RFTN1: variants seen among roughly 807,000 people sequenced by gnomAD.
RFTN1 encodes the protein raftlin, lipid raft linker 1, also known as raftlin.
In RFTN1, 26 loss-of-function variants were observed where a neutral mutation model predicts 46.5. The ratio of observed to expected loss-of-function variants is 0.56; its 90% CI spans 0.41 to 0.78. The LOEUF (loss-of-function observed/expected upper bound fraction) is 0.78. Ranked by LOEUF, RFTN1 falls within the 30% of genes least tolerant of loss-of-function variation. RFTN1 has a pLI of 0.00. For synonymous variants in RFTN1, 261 were observed against 284.2 expected, an observed-to-expected ratio of 0.92 and a Z score of 0.82; for missense variants, 693 against 718.7, an observed-to-expected ratio of 0.96 and a Z score of 0.41.
Position 16,323,442 on chromosome 3 carries a change from G to A in RFTN1, c.1266C>T (p.Ser422=). The change falls in exon 9 of 10, where the codon TCC becomes TCT. Residue 422 remains serine (S), a synonymous_variant. Coordinates refer to ENST00000334133, the MANE Select transcript of RFTN1 (RefSeq NM_015150.2). ...TCTGAAGAAAGACAATCTGCTTGGT[G>A]GATACACTCCCCTCGCTGTAACACA... ...VVKTTSEGSV[S]TKQIVFLQRP... The A allele has an allele frequency of 6.2e-7, 1 of 1,612,412 alleles. No homozygotes were observed.
chr3:16,328,895 G>GA (rs1431862713), intron 7 of RFTN1, among the ~76,000 whole-genome samples: 2 of 152,086 alleles, frequency 1.3e-5, no homozygotes, highest in African/African-American at 2.4e-5. Flanking sequence ...TTCTCCATGA[G>GA]AAAAAAATAT....
chr3:16,482,180 T>C (rs1227761772), intron 2 of RFTN1, among the ~76,000 whole-genome samples: 1 of 152,120 alleles, frequency 6.6e-6, no homozygotes, highest in East Asian at 1.9e-4. Context: ...ACAGGGCACA[T>C]GGAGTCGGAA....
rs1175459498 is a variant in RFTN1, at chr3:16,509,787, C to T, written c.-9+3655G>A. Among the ~76,000 whole-genome samples the T allele has an allele frequency of 1.3e-5, 2 of 152,192 alleles. No homozygotes were observed. The highest frequency in any genetic ancestry group is 2.9e-5 in the Non-Finnish European group (2 of 68,036). On this transcript the variant is annotated intron_variant, in intron 1 of 9. Coordinates refer to ENST00000334133, the MANE Select transcript of RFTN1 (RefSeq NM_015150.2). This position sits in a 1 kb window ranked among gnomAD's most constrained non-coding sequence, Gnocchi z 4.9. Reference sequence around the variant, plus strand: ...ATGGGTATCACGAGTCACGAAATCACTCAGCCAATGTTTACTGTGTCCCTA... The same window carrying T: ...ATGGGTATCACGAGTCACGAAATCATTCAGCCAATGTTTACTGTGTCCCTA...
chr3:16,324,713 T>TCATC (rs1553718195), intron 8 of RFTN1, among the ~76,000 whole-genome samples: 18,955 of 144,392 alleles, frequency 0.13, 1,495 homozygotes, highest in African/African-American at 0.17. Flanking sequence ...CACATTTTCT[T>TCATC]CATCCATCTG....
intron 1 of RFTN1, 23 bp from the exon 2 acceptor site, chr3:16,493,900 G>A (rs369140320): frequency 6.5e-5 from 104 of 1,612,192 alleles, no homozygotes; most frequent in East Asian, 8.9e-5. Flanking sequence ...GGAAAAAGGC[G>A]GGGAGGTGAT....
At position 16,381,857 on chromosome 3, in the gene RFTN1, G is replaced by T. The variant is rs2074005262; in HGVS notation, c.442-3755C>A. ...ATGGCCTTGGATCCATGCCCGCAAA[G>T]GCTCTCAGTTCACCCTGCAGGCCAG... On this transcript the variant is annotated intron_variant, in intron 4 of 9. Coordinates refer to ENST00000334133, the MANE Select transcript of RFTN1 (RefSeq NM_015150.2). The surrounding 1 kb of genome is among the most constrained non-coding windows in gnomAD (Gnocchi z 4.2). Among the ~76,000 whole-genome samples, 1 of 152,136 alleles carries T rather than the reference G, an allele frequency of 6.6e-6. No individual in the cohort carries two copies. Among genetic ancestry groups the T allele is most frequent in the Non-Finnish European group, 1.5e-5 (1 of 68,036 alleles).
rs56915824 is a variant in RFTN1 at position 16,450,923 on chromosome 3, T to C, written c.146-16886A>G. Among the ~76,000 whole-genome samples, 1,603 of 152,306 alleles carry C rather than the reference T, an allele frequency of 0.011. 26 individuals carry two copies. Among genetic ancestry groups the C allele is most frequent in the African/African-American group, 0.036 (1,509 of 41,570 alleles). ...GACTTTCACCACTTGGTTTTGGTCC[T>C]GTTGACTACAGAGGGCCTCTGTGAT... On this transcript the variant is annotated intron_variant, in intron 2 of 9. Transcript: ENST00000334133. This position sits in a 1 kb window ranked among gnomAD's most constrained non-coding sequence, Gnocchi z 4.6.
rs1382045169 is a variant in RFTN1, at chr3:16,356,539, T to C, written c.1146+1393A>G. Among the ~76,000 whole-genome samples the C allele has an allele frequency of 2.6e-5, 4 of 152,228 alleles. No individual in the cohort carries two copies. The highest frequency in any genetic ancestry group is 5.9e-5 in the Non-Finnish European group (4 of 68,038). On this transcript the variant is annotated intron_variant, in intron 7 of 9. Transcript: ENST00000334133. This position sits in a 1 kb window ranked among gnomAD's most constrained non-coding sequence, Gnocchi z 4.9. ...TCACTTCACGTGTGCTGGGAACTGC[T>C]GCAGCTTCAAAGCTGAGTAATAGTG...
chr3:16,487,629 C>G (rs1332005826), intron 2 of RFTN1, among the ~76,000 whole-genome samples: 2 of 152,158 alleles, frequency 1.3e-5, no homozygotes, highest in African/African-American at 4.8e-5. Context: ...CTGGACCATT[C>G]AAGGAAGGCC....
chr3:16,450,075 CTCCATGCCTGTCTTAAA>C lies in RFTN1; in HGVS notation c.146-16055_146-16039del, dbSNP rs1426294010. Among the ~76,000 whole-genome samples the C allele has an allele frequency of 6.6e-6, 1 of 152,210 alleles. No homozygotes were observed. Among genetic ancestry groups the C allele is most frequent in the Non-Finnish European group, 1.5e-5 (1 of 68,044 alleles). On this transcript the variant is annotated intron_variant, in intron 2 of 9. Coordinates refer to ENST00000334133, the MANE Select transcript of RFTN1 (RefSeq NM_015150.2). The surrounding 1 kb of genome is among the most constrained non-coding windows in gnomAD (Gnocchi z 4.6). ...ACATGTCACCCCCATCCTGACCACT[CTCCATGCCTGTCTTAAA>C]TCCATCCCAATTTGTAAAATTAAAT...
At chr3:16,477,989 G>A (rs1262963225) in intron 2 of RFTN1, among the ~76,000 whole-genome samples, 7 of 152,164 alleles carry the variant, frequency 4.6e-5, no homozygotes, top group Non-Finnish European at 4.4e-5. Context: ...GACAAAAATG[G>A]AAAAATCAAC....
chr3:16,483,250 T>C lies in RFTN1; in HGVS notation c.145+10475A>G, dbSNP rs772738621. On this transcript the variant is annotated intron_variant, in intron 2 of 9. Transcript: ENST00000334133. The surrounding 1 kb of genome is among the most constrained non-coding windows in gnomAD (Gnocchi z 4.8). ...AAAGGAACCCCATGGTGAAACCCAC[T>C]TTAAACCAAGAATCCTCCTGTAATG... Among the ~76,000 whole-genome samples the C allele has an allele frequency of 2.0e-5, 3 of 152,216 alleles. No homozygotes were observed. The highest frequency in any genetic ancestry group is 4.4e-5 in the Non-Finnish European group (3 of 68,042).
chr3:16,401,937 C>A (rs1381530235), intron 4 of RFTN1, among the ~76,000 whole-genome samples: 1 of 152,222 alleles, frequency 6.6e-6, no homozygotes, highest in African/African-American at 2.4e-5. Flanking sequence ...GGATGACCAT[C>A]CTTACCACCA....
rs1419901922 is a variant in RFTN1, at chr3:16,428,679, C to A, written c.332+5172G>T. Among the ~76,000 whole-genome samples, 2 of 152,170 alleles carry A rather than the reference C, an allele frequency of 1.3e-5. No homozygotes were observed. The highest frequency in any genetic ancestry group is 3.8e-4 in the East Asian group (2 of 5,198). On this transcript the variant is annotated intron_variant, in intron 3 of 9. Transcript: ENST00000334133. The surrounding 1 kb of genome is among the most constrained non-coding windows in gnomAD (Gnocchi z 4.7). ...ACTTCAACTCATTCATGATGAAAAA[C>A]ACACCAATGACGCCCCTAGCTCCAT...
At chr3:16,444,251 T>C (rs1286124379) in intron 2 of RFTN1, among the ~76,000 whole-genome samples, 1 of 152,226 alleles carries the variant, frequency 6.6e-6, no homozygotes, top group Non-Finnish European at 1.5e-5. Flanking sequence ...TGAGAGTACA[T>C]TATGCTGATG....
intron 6 of RFTN1, among the ~76,000 whole-genome samples, chr3:16,368,860 C>T (rs1466260096): frequency 6.6e-6 from 1 of 152,152 alleles, no homozygotes; most frequent in Non-Finnish European, 1.5e-5. Flanking sequence ...CAGCCGGTGG[C>T]CGCCATACTG....
intron 1 of RFTN1, among the ~76,000 whole-genome samples, chr3:16,494,994 T>C (rs916482757): frequency 6.6e-6 from 1 of 151,994 alleles, no homozygotes; most frequent in African/African-American, 2.4e-5. Flanking sequence ...AAAAACAAAC[T>C]GAACCTCAGA....
In RFTN1 at chr3:16,489,384, C is replaced by T. The variant is rs1011019252; in HGVS notation, c.145+4341G>A. Among the ~76,000 whole-genome samples the T allele has an allele frequency of 1.3e-5, 2 of 152,150 alleles. No individual in the cohort carries two copies. Among genetic ancestry groups the T allele is most frequent in the Admixed American group, 1.3e-4 (2 of 15,280 alleles). On this transcript the variant is annotated intron_variant, in intron 2 of 9. Transcript: ENST00000334133. The surrounding 1 kb of genome is among the most constrained non-coding windows in gnomAD (Gnocchi z 4.0). The stretch of plus-strand genomic sequence containing the variant: ...AGTGAGCCGAGATTGCACCACCACA[C>T]TCCAGCCTGGGCAACAGAGTGAGAC...
At position 16,344,905 on chromosome 3, in the gene RFTN1, A is replaced by T. The variant is rs1383549632; in HGVS notation, c.1146+13027T>A. Among the ~76,000 whole-genome samples the T allele has an allele frequency of 6.6e-6, 1 of 152,218 alleles. No individual in the cohort carries two copies. Among genetic ancestry groups the T allele is most frequent in the African/African-American group, 2.4e-5 (1 of 41,468 alleles). The stretch of plus-strand genomic sequence containing the variant: ...AACCTTTTATGCTCACTGATTTAAT[A>T]TACTTCAGTTCTCTCTGGAGAACCA... On this transcript the variant is annotated intron_variant, in intron 7 of 9. Coordinates refer to ENST00000334133, the MANE Select transcript of RFTN1 (RefSeq NM_015150.2). This position sits in a 1 kb window ranked among gnomAD's most constrained non-coding sequence, Gnocchi z 4.4.
Sources: gnomAD v4.1 joint callset for allele counts (sites outside exome capture counted in the v4.1 genomes callset) on GRCh38, gnomAD v4.1.1 for gene constraint, Gnocchi (gnomAD v3.1) non-coding constraint, MANE v1.5 for transcripts, NCBI Gene and HGNC (gene_info 2026-07-23, HGNC 2026-07-21) for gene names.